Variants in SORCS1 observed in about 807,000 individuals in gnomAD.
SORCS1 encodes the protein sortilin related VPS10 domain containing receptor 1, also known as VPS10 domain-containing receptor SorCS1.
Under a neutral mutation model 146.1 loss-of-function variants are expected in SORCS1, and 60 were observed. That is an observed-to-expected ratio of 0.41 (90% CI 0.33 to 0.51). SORCS1 has a LOEUF of 0.51. SORCS1 is among the 20% of genes least tolerant of loss of function. The pLI, the probability that SORCS1 is intolerant of heterozygous loss-of-function variation, is 0.21. For missense variants in SORCS1, 1,352 were observed against 1,487.6 expected (o/e 0.91, Z 1.50); for synonymous variants, 637 against 584.0 (o/e 1.09, Z -1.31).
chr10:106,789,863 TGACTCACA>T (rs1271262306), intron 3 of SORCS1, among the ~76,000 whole-genome samples: 1 of 152,212 alleles, frequency 6.6e-6, no homozygotes, highest in Non-Finnish European at 1.5e-5. Flanking sequence ...GAAGTGTAAT[TGACTCACA>T]GTTCTGCGTG....
At chr10:107,067,185 C>G (rs929690990) in intron 1 of SORCS1, among the ~76,000 whole-genome samples, 5 of 152,150 alleles carry the variant, frequency 3.3e-5, no homozygotes, top group African/African-American at 1.2e-4. Flanking sequence ...GACTCACCTG[C>G]TCTCTAAATG....
At position 107,065,108 on chromosome 10, in the gene SORCS1, A is replaced by G. The variant is rs1398798279; in HGVS notation, c.558+98861T>C. ...GACAGGTTGTTGAAGACTGGGAATT[A>G]GTCAAGCCAAATGCATTAATTGATT... On this transcript the variant is annotated intron_variant, in intron 1 of 25. Coordinates refer to ENST00000263054, the MANE Select transcript of SORCS1 (RefSeq NM_052918.5). Among the ~76,000 whole-genome samples the G allele has an allele frequency of 4.6e-5, 7 of 152,304 alleles. No homozygotes were observed. The East Asian group carries it at 1.2e-3, about 25-fold the overall frequency.
chr10:106,638,089 A>G (rs1165862247), intron 18 of SORCS1, among the ~76,000 whole-genome samples: 1 of 152,176 alleles, frequency 6.6e-6, no homozygotes, highest in African/African-American at 2.4e-5. Flanking sequence ...TGCACTTTGG[A>G]AGCACTTTTT....
intron 1 of SORCS1, among the ~76,000 whole-genome samples, chr10:107,131,217 CATT>C (rs2134632828): frequency 6.6e-6 from 1 of 152,288 alleles, no homozygotes; most frequent in East Asian, 1.9e-4. Flanking sequence ...TTGACACAGA[CATT>C]ATTATTGGCA....
intron 2 of SORCS1, among the ~76,000 whole-genome samples, chr10:106,833,919 G>A (rs1023923283): frequency 4.6e-5 from 7 of 152,142 alleles, no homozygotes; most frequent in East Asian, 3.8e-4. Context: ...TCAGCATCCC[G>A]AGTAGCTGGG....
intron 2 of SORCS1, among the ~76,000 whole-genome samples, chr10:106,842,484 T>G (rs1211979418): frequency 1.3e-5 from 2 of 151,850 alleles, no homozygotes; most frequent in African/African-American, 4.9e-5. Flanking sequence ...TCTGCCCACC[T>G]CAGCCTCCCA....
rs1053855460 is a variant in SORCS1, at chr10:106,574,621, C to G, written c.*2799G>C. ...CAACAGAGAACACCACTATTCATCCCCTAGAGTTTCTAATTCAGTAGGTAT... is the reference window on the plus strand; with the variant it reads ...CAACAGAGAACACCACTATTCATCCGCTAGAGTTTCTAATTCAGTAGGTAT... On this transcript the variant is annotated 3_prime_UTR_variant, in exon 26 of 26. Transcript: ENST00000263054. 3 of 152,344 alleles carry G rather than the reference C, an allele frequency of 2.0e-5. No individual in the cohort carries two copies. Among genetic ancestry groups the G allele is most frequent in the African/African-American group, 7.2e-5 (3 of 41,416 alleles). The allele number at this position is 152,344 out of a possible 1,614,324, so 9.4% of individuals were successfully genotyped here.
intron 2 of SORCS1, among the ~76,000 whole-genome samples, chr10:106,885,823 C>T (rs1171451972): frequency 1.3e-5 from 2 of 152,112 alleles, no homozygotes; most frequent in South Asian, 2.1e-4. Flanking sequence ...GTGAATAAGT[C>T]TCACGAGAAC....
At chr10:107,135,161 T>C (rs1967177622) in intron 1 of SORCS1, among the ~76,000 whole-genome samples, 1 of 152,222 alleles carries the variant, frequency 6.6e-6, no homozygotes, top group Non-Finnish European at 1.5e-5. Context: ...TAATTTATTA[T>C]GGTAAGATCA....
At chr10:106,741,581 G>C (rs1307830764) in intron 5 of SORCS1, among the ~76,000 whole-genome samples, 1 of 152,112 alleles carries the variant, frequency 6.6e-6, no homozygotes, top group Non-Finnish European at 1.5e-5. Context: ...CTGGGTGACA[G>C]AGTGAGACTC....
chr10:107,035,061 T>G (rs921285464), intron 1 of SORCS1, among the ~76,000 whole-genome samples: 1 of 152,060 alleles, frequency 6.6e-6, no homozygotes, highest in African/African-American at 2.4e-5. Context: ...ACAATTTTAA[T>G]TGGGCATCTG....
intron 2 of SORCS1, among the ~76,000 whole-genome samples, chr10:106,868,750 A>G (rs927788627): frequency 2.0e-5 from 3 of 152,240 alleles, no homozygotes; most frequent in African/African-American, 7.2e-5. Flanking sequence ...ACTTAGAAAG[A>G]TCTCAAATTA....
chr10:106,630,212 C>A (rs1296049782), intron 18 of SORCS1, among the ~76,000 whole-genome samples: 2 of 152,130 alleles, frequency 1.3e-5, no homozygotes, highest in Non-Finnish European at 2.9e-5. Flanking sequence ...GACACTTTGC[C>A]TGATATCTGA....
chr10:107,043,054 C>T (rs1354502460), intron 1 of SORCS1, among the ~76,000 whole-genome samples: 1 of 152,116 alleles, frequency 6.6e-6, no homozygotes, highest in Non-Finnish European at 1.5e-5. Context: ...CTTTTTCATG[C>T]TCTGTCACCC....
At chr10:107,127,061 T>C (rs189409657) in intron 1 of SORCS1, among the ~76,000 whole-genome samples, 38 of 152,246 alleles carry the variant, frequency 2.5e-4, no homozygotes, top group Admixed American at 1.3e-3. Context: ...GTAAATGAGA[T>C]GCCAACCCCA....
chr10:106,637,172 C>A (rs1287136897), intron 18 of SORCS1, among the ~76,000 whole-genome samples: 1 of 152,142 alleles, frequency 6.6e-6, no homozygotes, highest in African/African-American at 2.4e-5. Context: ...GTAAACTGAG[C>A]TTTTCTAGAA....
chr10:106,758,249 T>C (rs1858808933), intron 5 of SORCS1, among the ~76,000 whole-genome samples: 1 of 152,170 alleles, frequency 6.6e-6, no homozygotes, highest in Admixed American at 6.5e-5. Flanking sequence ...GTGAGGTCTG[T>C]TCAGGTTATA....
At chr10:107,019,636 C>G (rs965689813) in intron 1 of SORCS1, among the ~76,000 whole-genome samples, 4 of 152,182 alleles carry the variant, frequency 2.6e-5, no homozygotes, top group African/African-American at 9.7e-5. Flanking sequence ...CCATTTAATG[C>G]CCTAACCGTC....
At chr10:107,062,746 C>A (rs567557511) in intron 1 of SORCS1, among the ~76,000 whole-genome samples, 1 of 152,144 alleles carries the variant, frequency 6.6e-6, no homozygotes, top group Non-Finnish European at 1.5e-5. Flanking sequence ...TTTCCTCTTA[C>A]GTCAGTATCT....
Sources: gnomAD v4.1 joint callset for allele counts (sites outside exome capture counted in the v4.1 genomes callset) on GRCh38, gnomAD v4.1.1 for gene constraint, MANE v1.5 for transcripts, NCBI Gene and HGNC (gene_info 2026-07-23, HGNC 2026-07-21) for gene names.